Variants in PRDM5 observed in about 807,000 individuals in gnomAD.
PRDM5 encodes the protein PR domain zinc finger protein 5.
PRDM5 carries 56 observed loss-of-function variants against 81.2 expected under a neutral mutation model. The observed-to-expected ratio is 0.69, with a 90% CI of 0.56 to 0.86. The LOEUF is 0.86. Among genes scored for constraint, PRDM5 ranks in the 40% least tolerant of loss-of-function variants. The pLI, the probability that PRDM5 is intolerant of heterozygous loss-of-function variation, is 0.00. For missense variants in PRDM5, 697 were observed against 770.1 expected (o/e 0.91, Z 1.12); for synonymous variants, 267 against 256.4 (o/e 1.04, Z -0.39).
intron 2 of PRDM5, chr4:120,895,826 A>C (rs1764555073): frequency 6.6e-6 from 1 of 152,214 alleles, no homozygotes; most frequent in African/African-American, 2.4e-5. Context: ...ACAGGCATGT[A>C]CCACCATGCC....
At position 120,742,892 on chromosome 4, in the gene PRDM5, A is replaced by G. The variant is rs529141003; in HGVS notation, c.1623+11661T>C. Among the ~76,000 whole-genome samples, 1,117 of 152,274 alleles carry G rather than the reference A, an allele frequency of 7.3e-3. 15 individuals are homozygous for G. Among genetic ancestry groups the G allele is most frequent in the African/African-American group, 0.026 (1,074 of 41,542 alleles). On this transcript the variant is annotated intron_variant, in intron 14 of 15. Transcript: ENST00000264808. ...CCAGGAGAATTTCCCCAATCTAGCA[A>G]GGCAGGCCAACGTTCAGGTTCAGGA... is the stretch of plus-strand genomic sequence containing the variant.
At chr4:120,801,153 G>T (rs1170736667) in intron 8 of PRDM5, among the ~76,000 whole-genome samples, 2 of 152,168 alleles carry the variant, frequency 1.3e-5, no homozygotes, top group African/African-American at 4.8e-5. Flanking sequence ...TAAAGGTCCA[G>T]CTCACAATAC....
intron 3 of PRDM5, among the ~76,000 whole-genome samples, chr4:120,822,883 A>G (rs1755471531): frequency 6.6e-6 from 1 of 152,204 alleles, no homozygotes. Context: ...ACACTCTTGG[A>G]AGTTTTTAAA....
intron 14 of PRDM5, among the ~76,000 whole-genome samples, chr4:120,750,810 T>G (rs11725662): frequency 0.38 from 57,531 of 151,582 alleles, 11,169 homozygotes; most frequent in East Asian, 0.51. Flanking sequence ...AGAGATAGAA[T>G]AGTCAAAACA....
In PRDM5 at chr4:120,813,492, T is replaced by C. The variant is rs1000744739; in HGVS notation, c.866-2043A>G. 2.0e-5 allele frequency among the ~76,000 whole-genome samples: 3 copies of C among 152,208 alleles called. No individual in the cohort carries two copies. The East Asian group carries it at 5.8e-4, about 29-fold the overall frequency. ...GATTTCGTTTTATTATAGGACTGCA[T>C]TTATGAAAGAAATATACTTTCAAAT... On this transcript the variant is annotated intron_variant, in intron 7 of 15. Coordinates refer to ENST00000264808, the MANE Select transcript of PRDM5 (RefSeq NM_018699.4).
At chr4:120,911,078 G>C (rs1029896853) in intron 1 of PRDM5, among the ~76,000 whole-genome samples, 2 of 152,102 alleles carry the variant, frequency 1.3e-5, no homozygotes, top group African/African-American at 4.8e-5. Flanking sequence ...TTACAAGTTA[G>C]GCAGTAGGGC....
At chr4:120,915,064 T>G (rs1471310335) in intron 1 of PRDM5, among the ~76,000 whole-genome samples, 1 of 152,010 alleles carries the variant, frequency 6.6e-6, no homozygotes, top group African/African-American at 2.4e-5. Context: ...ACTCAGTGAG[T>G]GGTACACCAA....
At chr4:120,746,385 T>C (rs926441974) in intron 14 of PRDM5, among the ~76,000 whole-genome samples, 2 of 146,730 alleles carry the variant, frequency 1.4e-5, no homozygotes, top group African/African-American at 5.0e-5. Context: ...AAGGACTTCA[T>C]GTCTAAAACA....
At chr4:120,795,130 T>C (rs1490841950) in intron 10 of PRDM5, among the ~76,000 whole-genome samples, 1 of 152,178 alleles carries the variant, frequency 6.6e-6, no homozygotes, top group Non-Finnish European at 1.5e-5. Context: ...GGAAAAAAGA[T>C]TCTTTTTTTG....
intron 9 of PRDM5, among the ~76,000 whole-genome samples, chr4:120,799,421 G>A (rs1751802137): frequency 6.6e-6 from 1 of 152,128 alleles, no homozygotes; most frequent in African/African-American, 2.4e-5. Context: ...GGAGGAGTAA[G>A]TGACAAATTA....
rs946754296 is a variant in PRDM5 at position 120,821,301 on chromosome 4, T to A, written c.345A>T (p.Thr115=). ...IFYLAVEDIE[T]DTELLIGYLD... is the part of the protein sequence containing the mutation. Reference sequence around the variant, plus strand: ...GGTAGCCAATCAGAAGCTCCGTGTCTGTTTCTATATCTTCAACTGCCAAAT... The same window carrying A: ...GGTAGCCAATCAGAAGCTCCGTGTCAGTTTCTATATCTTCAACTGCCAAAT... Residue 115 remains threonine (T), a synonymous_variant, in exon 4 of 16, where the codon ACA becomes ACT. Coordinates refer to ENST00000264808, the MANE Select transcript of PRDM5 (RefSeq NM_018699.4). The A allele has an allele frequency of 6.2e-7, 1 of 1,614,120 alleles. No individual in the cohort carries two copies. Among genetic ancestry groups the A allele is most frequent in the African/African-American group, 1.3e-5 (1 of 75,056 alleles).
intron 14 of PRDM5, among the ~76,000 whole-genome samples, chr4:120,714,593 A>G (rs573990324): frequency 6.6e-6 from 1 of 152,214 alleles, no homozygotes; most frequent in South Asian, 2.1e-4. Flanking sequence ...TATATAATTT[A>G]CTTTATCTGA....
downstream of PRDM5, among the ~76,000 whole-genome samples, chr4:120,689,352 G>C (rs1482034903): frequency 6.6e-6 from 1 of 152,100 alleles, no homozygotes; most frequent in Non-Finnish European, 1.5e-5. Context: ...TGGATTTTAT[G>C]CGAGGAGAGA....
At chr4:120,871,391 T>C (rs1761768987) in intron 2 of PRDM5, among the ~76,000 whole-genome samples, 1 of 152,214 alleles carries the variant, frequency 6.6e-6, no homozygotes, top group South Asian at 2.1e-4. Flanking sequence ...GCACGTCAGA[T>C]GTTTATCAAC....
chr4:120,713,933 A>G (rs1737374330), intron 14 of PRDM5, among the ~76,000 whole-genome samples: 1 of 151,986 alleles, frequency 6.6e-6, no homozygotes, highest in Non-Finnish European at 1.5e-5. Context: ...GAAGGAAAGT[A>G]CTCTGGTCTC....
At chr4:120,762,115 A>C (rs1032431657) in intron 13 of PRDM5, among the ~76,000 whole-genome samples, 1 of 152,192 alleles carries the variant, frequency 6.6e-6, no homozygotes, top group African/African-American at 2.4e-5. Context: ...TTGTCATTTA[A>C]TATATTTCAA....
chr4:120,684,590 A>G (rs1299715618), downstream of PRDM5, among the ~76,000 whole-genome samples: 1 of 151,990 alleles, frequency 6.6e-6, no homozygotes, highest in Non-Finnish European at 1.5e-5. Flanking sequence ...CCCTTTATCA[A>G]TCACATTGGG....
chr4:120,685,840 C>T (rs1733813268), intron 1 of PRDM5, among the ~76,000 whole-genome samples: 1 of 151,856 alleles, frequency 6.6e-6, no homozygotes, highest in African/African-American at 2.4e-5. Context: ...GTCCTTTATT[C>T]CTTTTCATAT....
chr4:120,890,947 C>A (rs1033733788), intron 2 of PRDM5, among the ~76,000 whole-genome samples: 1 of 152,084 alleles, frequency 6.6e-6, no homozygotes, highest in Admixed American at 6.6e-5. Context: ...TTCATAGTTT[C>A]TTTTATGGTG....
Sources: allele counts gnomAD v4.1 joint callset (sites outside exome capture counted in the v4.1 genomes callset), GRCh38; gene constraint gnomAD v4.1.1; transcripts MANE v1.5; gene names NCBI Gene and HGNC (gene_info 2026-07-23, HGNC 2026-07-21).